Variants in PIH1D2 observed in about 807,000 individuals in gnomAD.
PIH1D2 encodes the protein PIH1 domain-containing protein 2.
A neutral mutation model predicts 31.2 loss-of-function variants in PIH1D2; 25 were observed. The ratio of observed to expected loss-of-function variants is 0.80; its 90% CI spans 0.58 to 1.12. The LOEUF is 1.12. Ranked by LOEUF, PIH1D2 falls within the 50% of genes most tolerant of loss-of-function variation. The probability of loss-of-function intolerance (pLI) is 0.00; values close to 1 mark genes in which losing one functional copy is unlikely to be tolerated. For synonymous variants in PIH1D2, 116 were observed against 119.9 expected, an observed-to-expected ratio of 0.97 and a Z score of 0.21; for missense variants, 310 against 356.6, an observed-to-expected ratio of 0.87 and a Z score of 1.05.
At chr11:112,062,353 T>C (rs1298727865), downstream of PIH1D2, 1 of 1,603,372 alleles carries the variant, frequency 6.2e-7, no homozygotes, top group African/African-American at 1.3e-5. Context: ...GGTTACTGGC[T>C]GAAATGCAGT....
At position 112,070,606 on chromosome 11, in the gene PIH1D2, C is replaced by T. The variant is rs374816507; in HGVS notation, c.643G>A (p.Val215Met). 1.9e-6 allele frequency: 3 copies of T among 1,614,042 alleles called. No individual in the cohort carries two copies. The highest frequency in any genetic ancestry group is 1.3e-5 in the African/African-American group (1 of 74,918). ...CTGGAAATCTCTTCTATCAGACACA[C>T]TGCTTTGCCTGAAACTTGGTCTTTT... ...LPKDQVSGKA[V>M]CLIEEISSTE... Residue 215 changes from valine (V) to methionine (M), a missense_variant, in exon 5 of 6, where the codon GTG becomes ATG. Physicochemically the swap from Val to Met is conservative, Grantham distance 21. Coordinates refer to ENST00000280350, the MANE Select transcript of PIH1D2 (RefSeq NM_138789.4).
downstream of PIH1D2, chr11:112,061,463 T>C: frequency 2.7e-6 from 1 of 375,464 alleles, no homozygotes; most frequent in South Asian, 3.1e-5. Context: ...ACTGGAAATT[T>C]GTGGAATTGT....
the PIH1D2 span, among the ~76,000 whole-genome samples, chr11:112,055,120 T>C: frequency 6.6e-6 from 1 of 152,188 alleles, no homozygotes; most frequent in South Asian, 2.1e-4. Flanking sequence ...AAACAGACTT[T>C]AGTCTTCCTG....
At chr11:112,053,745 G>A in the PIH1D2 span, among the ~76,000 whole-genome samples, 120 of 152,172 alleles carry the variant, frequency 7.9e-4, 2 homozygotes, top group Admixed American at 4.6e-3. Flanking sequence ...GAGCTACCAC[G>A]CCCAGCCCTT....
At chr11:112,073,871 G>T (rs1865234645) in intron 1 of PIH1D2, 109 bp downstream of exon 1, 1 of 152,658 alleles carries the variant, frequency 6.6e-6, no homozygotes, top group Admixed American at 6.5e-5. Flanking sequence ...CTGTGTAAGG[G>T]TTATGCTAAA....
chr11:112,058,623 G>GA (rs1864281703), downstream of PIH1D2, among the ~76,000 whole-genome samples: 2 of 126,374 alleles, frequency 1.6e-5, no homozygotes, highest in South Asian at 3.2e-4. Flanking sequence ...GGAAGGGGGG[G>GA]GTGGGGGGGG....
Position 112,070,566 on chromosome 11 carries a change from A to C in PIH1D2, c.683T>G (p.Val228Gly), listed in dbSNP as rs1865076502. ...IEEISSTEIQ[V>G]EMKMPAYELK... ...TTCATAGGCTGGCATCTTCATCTCC[A>C]CCTGGATTTCAGTACTGGAAATCTC... Residue 228 changes from valine to glycine, a missense_variant, in exon 5 of 6, where the codon GTG (valine) becomes GGG (glycine). Coordinates refer to ENST00000280350, the MANE Select transcript of PIH1D2 (RefSeq NM_138789.4). 6.2e-7 allele frequency: 1 copy of C among 1,614,134 alleles called. No individual in the cohort carries two copies. Among genetic ancestry groups the C allele is most frequent in the African/African-American group, 1.3e-5 (1 of 75,024 alleles).
At chr11:112,055,802 T>C in the PIH1D2 span, among the ~76,000 whole-genome samples, 1 of 151,090 alleles carries the variant, frequency 6.6e-6, no homozygotes, top group Non-Finnish European at 1.5e-5. Context: ...GCAGGAATTT[T>C]TTTTTTAATA....
In PIH1D2 at chr11:112,067,914, A is replaced by C; in HGVS notation, c.905T>G (p.Ile302Ser). 1 of 1,611,400 alleles carries C rather than the reference A, an allele frequency of 6.2e-7. No individual in the cohort carries two copies. Among genetic ancestry groups the C allele is most frequent in the Non-Finnish European group, 8.5e-7 (1 of 1,178,316 alleles). ...IDTEMTTAKFIKEKSTLIITM... is the reference protein window; with the variant it reads ...IDTEMTTAKFSKEKSTLIITM... ...GATGATTAGCGTGGATTTTTCTTTG[A>C]TAAATTTTGCTGTGGTCATTTCAGT... The change falls in exon 6 of 6, where the codon ATC becomes AGC. Residue 302 changes from isoleucine (I) to serine (S), a missense_variant. By Grantham distance (142) the Ile-to-Ser change is moderately radical. Transcript: ENST00000280350.
the PIH1D2 span, among the ~76,000 whole-genome samples, chr11:112,053,234 A>T: frequency 1.3e-4 from 20 of 152,232 alleles, no homozygotes; most frequent in Admixed American, 9.8e-4. Flanking sequence ...AGGCAGGAGA[A>T]TTGCTTGAAC....
chr11:112,053,435 CTG>C, the PIH1D2 span, among the ~76,000 whole-genome samples: 1 of 151,920 alleles, frequency 6.6e-6, no homozygotes, highest in African/African-American at 2.4e-5. Flanking sequence ...GCAAACACAA[CTG>C]TTTGTTTTTT....
At chr11:112,064,265 G>A, downstream of PIH1D2, 1 of 1,484,438 alleles carries the variant, frequency 6.7e-7, no homozygotes, top group Non-Finnish European at 9.0e-7. Flanking sequence ...AAACATTGTT[G>A]AGTTAAAAAT....
chr11:112,071,612 T>G (rs781880736), intron 3 of PIH1D2, 23 bp downstream of exon 3: 17 of 1,608,138 alleles, frequency 1.1e-5, no homozygotes, highest in Non-Finnish European at 1.4e-5. Flanking sequence ...TTTTACAATG[T>G]GCTTTCTCTC....
chr11:112,052,846 G>T, the PIH1D2 span, among the ~76,000 whole-genome samples: 1 of 151,868 alleles, frequency 6.6e-6, no homozygotes, highest in African/African-American at 2.4e-5. Context: ...AGTGACTGGC[G>T]CCATCCCGAG....
chr11:112,069,287 A>C (rs1411662257), intron 5 of PIH1D2, among the ~76,000 whole-genome samples: 8 of 152,066 alleles, frequency 5.3e-5, no homozygotes, highest in African/African-American at 1.9e-4. Flanking sequence ...TACAGGCATG[A>C]GTCACCGTAC....
chr11:112,072,714 A>G (rs1016375284), intron 2 of PIH1D2: 6 of 207,614 alleles, frequency 2.9e-5, no homozygotes, highest in Admixed American at 5.6e-5. Context: ...TAATACAAAA[A>G]TTAGCCGGGC....
the PIH1D2 span, among the ~76,000 whole-genome samples, chr11:112,056,495 T>C: frequency 6.0e-4 from 91 of 152,358 alleles, no homozygotes; most frequent in Non-Finnish European, 1.2e-3. Flanking sequence ...TTGAGACTCA[T>C]CCATGTTGTA....
At position 112,071,734 on chromosome 11, in the gene PIH1D2, T is replaced by TA; in HGVS notation, c.201dup (p.Ile68TyrfsTer31). ...ATCCTTGTCCACTGACACAGGTTGA[T>TA]AAAAAGTATTTTTTCTTTTGGTTTC... is the stretch of plus-strand genomic sequence containing the variant. On this transcript the variant is annotated frameshift_variant, in exon 3 of 6. Transcript: ENST00000280350. LOFTEE classifies it high-confidence loss of function. The TA allele has an allele frequency of 6.2e-7, 1 of 1,614,108 alleles. No homozygotes were observed. The highest frequency in any genetic ancestry group is 1.7e-5 in the Admixed American group (1 of 60,028).
intron 5 of PIH1D2, among the ~76,000 whole-genome samples, chr11:112,068,840 A>G (rs1865015488): frequency 6.6e-6 from 1 of 152,004 alleles, no homozygotes; most frequent in African/African-American, 2.4e-5. Context: ...AGACTCAATG[A>G]CTGAAAAGTG....
Sources: gnomAD v4.1 joint callset for allele counts (sites outside exome capture counted in the v4.1 genomes callset) on GRCh38, gnomAD v4.1.1 for gene constraint, MANE v1.5 for transcripts, NCBI Gene and HGNC (gene_info 2026-07-23, HGNC 2026-07-21) for gene names.